Variants in CDH13 observed in about 807,000 individuals in gnomAD.
The protein encoded by CDH13 is cadherin-13.
In CDH13, 24 loss-of-function variants were observed where a neutral mutation model predicts 63.8. The ratio of observed to expected loss-of-function variants is 0.38; its 90% CI spans 0.27 to 0.53. The LOEUF (loss-of-function observed/expected upper bound fraction) is 0.53. Ranked by LOEUF, CDH13 falls within the 20% of genes least tolerant of loss-of-function variation. CDH13 has a pLI of 0.85. For missense variants in CDH13, 1,049 were observed against 903.1 expected, an observed-to-expected ratio of 1.16 and a Z score of -2.07; for synonymous variants, 503 against 355.3, an observed-to-expected ratio of 1.42 and a Z score of -4.67.
Position 83,798,854 on chromosome 16 carries a change from T to C in CDH13, c.*3824T>C, listed in dbSNP as rs775167681. 3.1e-5 allele frequency: 4 copies of C among 130,014 alleles called. No individual in the cohort carries two copies. Among genetic ancestry groups the C allele is most frequent in the Non-Finnish European group, 6.7e-5 (4 of 59,500 alleles). The allele number at this position is 130,014 out of a possible 1,614,324, so 8.1% of individuals were successfully genotyped here. A position where few individuals can be genotyped will look rare whatever the true frequency, so the allele number is the denominator to read the frequency against. ...AAGTTCATGCTATACTTCTTCAATCTGAAAGCTTTCTGTTAAAAAAAAAAA... is the reference window on the plus strand; with the variant it reads ...AAGTTCATGCTATACTTCTTCAATCCGAAAGCTTTCTGTTAAAAAAAAAAA... On this transcript the variant is annotated 3_prime_UTR_variant, in exon 14 of 14. Coordinates refer to ENST00000567109, the MANE Select transcript of CDH13 (RefSeq NM_001257.5).
intron 3 of CDH13, among the ~76,000 whole-genome samples, chr16:83,040,912 CCCAACATGA>C (rs1917275577): frequency 6.6e-6 from 1 of 152,150 alleles, no homozygotes; most frequent in Non-Finnish European, 1.5e-5. Flanking sequence ...TCCATCCATG[CCCAACATGA>C]CCAAATTCTA....
intron 7 of CDH13, among the ~76,000 whole-genome samples, chr16:83,569,656 C>T (rs1170139274): frequency 6.6e-6 from 1 of 152,176 alleles, no homozygotes; most frequent in Non-Finnish European, 1.5e-5. Context: ...TTCACAAAGA[C>T]ATAGGACATG....
At chr16:83,247,352 A>T (rs117128875) in intron 5 of CDH13, among the ~76,000 whole-genome samples, 5,433 of 152,280 alleles carry the variant, frequency 0.036, 126 homozygotes, top group Middle Eastern at 0.061. Flanking sequence ...GCTGAGTTGC[A>T]AAGAGCTGGA....
chr16:83,478,377 C>T (rs913439383), intron 6 of CDH13, among the ~76,000 whole-genome samples: 4 of 152,062 alleles, frequency 2.6e-5, no homozygotes, highest in Non-Finnish European at 5.9e-5. Flanking sequence ...TCACTCCTGG[C>T]CCAGCTCCCA....
At chr16:83,019,017 A>G (rs1915084818) in intron 2 of CDH13, among the ~76,000 whole-genome samples, 1 of 152,212 alleles carries the variant, frequency 6.6e-6, no homozygotes, top group Non-Finnish European at 1.5e-5. Context: ...GTGCAGGACT[A>G]TAGACTTTAT....
Position 82,647,992 on chromosome 16 carries a change from G to A in CDH13, c.45+20855G>A, listed in dbSNP as rs373927322. The stretch of plus-strand genomic sequence containing the variant: ...GTGAATAAGTCTCACGAGATCTGAG[G>A]GTTTCATAAGGGGCAGTTCCCCTGC... On this transcript the variant is annotated intron_variant, in intron 1 of 13. Coordinates refer to ENST00000567109, the MANE Select transcript of CDH13 (RefSeq NM_001257.5). Among the ~76,000 whole-genome samples the A allele has an allele frequency of 3.3e-5, 5 of 152,248 alleles. No individual in the cohort carries two copies. The South Asian group carries it at 1.0e-3, about 32-fold the overall frequency.
At chr16:82,981,738 G>A (rs1910289838) in intron 2 of CDH13, among the ~76,000 whole-genome samples, 1 of 152,118 alleles carries the variant, frequency 6.6e-6, no homozygotes, top group Non-Finnish European at 1.5e-5. Flanking sequence ...CCTCACATGG[G>A]ATGCTCACAT....
chr16:83,542,436 G>A (rs886759423), intron 7 of CDH13, among the ~76,000 whole-genome samples: 1 of 152,190 alleles, frequency 6.6e-6, no homozygotes, highest in East Asian at 1.9e-4. Flanking sequence ...CACACTGCCT[G>A]ATTCAGTATG....
At position 82,663,436 on chromosome 16, in the gene CDH13, C is replaced by T. The variant is rs977490290; in HGVS notation, c.45+36299C>T. ...CCGACCTCAGATAATCCACACGCCT[C>T]GGCCTCCCAAAATGCTGGGATTACA... On this transcript the variant is annotated intron_variant, in intron 1 of 13. Transcript: ENST00000567109. Among the ~76,000 whole-genome samples, 7 of 152,204 alleles carry T rather than the reference C, an allele frequency of 4.6e-5. No individual in the cohort carries two copies. The South Asian group carries it at 1.0e-3, about 23-fold the overall frequency.
chr16:82,928,003 T>C (rs1171601544), intron 2 of CDH13, among the ~76,000 whole-genome samples: 2 of 152,200 alleles, frequency 1.3e-5, no homozygotes, highest in African/African-American at 4.8e-5. Flanking sequence ...AGTAGCTATG[T>C]TTTTGCTGTG....
chr16:83,342,922 A>C (rs2090760412), intron 5 of CDH13, among the ~76,000 whole-genome samples: 2 of 124,186 alleles, frequency 1.6e-5, no homozygotes, highest in Admixed American at 2.2e-4. Flanking sequence ...AACCAGACCT[A>C]TGTTATTACA....
intron 6 of CDH13, among the ~76,000 whole-genome samples, chr16:83,450,479 C>A (rs765448202): frequency 3.3e-5 from 5 of 152,152 alleles, no homozygotes; most frequent in Non-Finnish European, 5.9e-5. Flanking sequence ...TGATTCATTA[C>A]CAGGATTTTG....
At chr16:82,926,716 A>G (rs1204479858) in intron 2 of CDH13, among the ~76,000 whole-genome samples, 1 of 152,218 alleles carries the variant, frequency 6.6e-6, no homozygotes, top group South Asian at 2.1e-4. Flanking sequence ...AACCATAGTT[A>G]TTCACCCAAC....
intron 3 of CDH13, among the ~76,000 whole-genome samples, chr16:83,100,044 T>C (rs1027699473): frequency 6.6e-6 from 1 of 152,158 alleles, no homozygotes; most frequent in African/African-American, 2.4e-5. Context: ...AGCATCTCGA[T>C]GGGTTTCATT....
intron 4 of CDH13, chr16:83,171,529 T>C (rs770698999): frequency 1.3e-6 from 2 of 1,534,286 alleles, no homozygotes. Flanking sequence ...CAGATGAAGA[T>C]TTGGCAAGTT....
chr16:83,084,718 G>A (rs566690217), intron 3 of CDH13, among the ~76,000 whole-genome samples: 4 of 152,004 alleles, frequency 2.6e-5, no homozygotes, highest in South Asian at 2.1e-4. Flanking sequence ...GTGAAACCCC[G>A]CCTCTACTAA....
chr16:82,883,308 C>T (rs1272463298), intron 2 of CDH13, among the ~76,000 whole-genome samples: 1 of 152,136 alleles, frequency 6.6e-6, no homozygotes, highest in African/African-American at 2.4e-5. Flanking sequence ...ACCATCATCC[C>T]CACCATCACA....
At chr16:83,479,433 G>T (rs780689876) in intron 6 of CDH13, among the ~76,000 whole-genome samples, 3 of 152,098 alleles carry the variant, frequency 2.0e-5, no homozygotes, top group African/African-American at 4.8e-5. Flanking sequence ...TTGACGGGCA[G>T]ATCACGAGTT....
chr16:83,627,353 G>A (rs1297100371), intron 8 of CDH13, among the ~76,000 whole-genome samples: 1 of 152,116 alleles, frequency 6.6e-6, no homozygotes, highest in Admixed American at 6.5e-5. Flanking sequence ...AGTGGAGTGG[G>A]ATAAACTAGA....
Sources: gnomAD v4.1 joint callset for allele counts (sites outside exome capture counted in the v4.1 genomes callset) on GRCh38, gnomAD v4.1.1 for gene constraint, MANE v1.5 for transcripts, NCBI Gene and HGNC (gene_info 2026-07-23, HGNC 2026-07-21) for gene names.